Variants in ONECUT2 observed in about 807,000 individuals in gnomAD.
ONECUT2 encodes the protein one cut homeobox 2, also known as one cut domain family member 2.
A neutral mutation model predicts 27.9 loss-of-function variants in ONECUT2; 10 were observed. The observed-to-expected ratio is 0.36, with a 90% CI of 0.22 to 0.61. ONECUT2 has a LOEUF of 0.61. ONECUT2 is among the 20% of genes least tolerant of loss of function. The pLI is 0.73. For missense variants in ONECUT2, 686 were observed against 721.0 expected (o/e 0.95, Z 0.56); for synonymous variants, 334 against 315.1 (o/e 1.06, Z -0.64).
At chr18:57,453,985 T>C (rs1424640306) in intron 1 of ONECUT2, among the ~76,000 whole-genome samples, 1 of 152,176 alleles carries the variant, frequency 6.6e-6, no homozygotes, top group African/African-American at 2.4e-5. Context: ...GGCGAGGGAA[T>C]CTATGGTGTT....
chr18:57,464,464 GT>G (rs2122135415), intron 1 of ONECUT2, among the ~76,000 whole-genome samples: 1 of 150,378 alleles, frequency 6.6e-6, no homozygotes, highest in African/African-American at 2.4e-5. Flanking sequence ...TTGTTTTTTT[GT>G]TTTTGTTTTT....
intron 1 of ONECUT2, among the ~76,000 whole-genome samples, chr18:57,456,760 A>G (rs373439801): frequency 6.6e-6 from 1 of 152,240 alleles, no homozygotes; most frequent in African/African-American, 2.4e-5. Flanking sequence ...TTTCAAAGAA[A>G]GATTGTTTGT....
chr18:57,436,686 G>T lies in ONECUT2; in HGVS notation c.970G>T (p.Val324Leu). 1 of 1,613,376 alleles carries T rather than the reference G, an allele frequency of 6.2e-7. No individual in the cohort carries two copies. ...RPPSSSSGSQ[V>L]ATSGQLEEIN... is the part of the protein sequence containing the mutation. ...ACCCTCGTCCTCATCGGGCTCGCAG[G>T]TGGCCACGTCGGGCCAGCTGGAAGA... Residue 324 changes from valine (V) to leucine (L), a missense_variant, in exon 1 of 2, where the codon GTG becomes TTG. Coordinates refer to ENST00000491143, the MANE Select transcript of ONECUT2 (RefSeq NM_004852.3). The surrounding 1 kb of genome is among the most constrained non-coding windows in gnomAD (Gnocchi z 5.9).
rs1175352723 is a variant in ONECUT2 at position 57,480,868 on chromosome 18, ATT to A, written c.*4147_*4148del. 5 of 152,324 alleles carry A rather than the reference ATT, an allele frequency of 3.3e-5. No individual in the cohort carries two copies. Among genetic ancestry groups the A allele is most frequent in the African/African-American group, 1.2e-4 (5 of 41,584 alleles). 9.4% of individuals were successfully genotyped at this position (152,324 alleles called of 1,614,324 possible). On this transcript the variant is annotated 3_prime_UTR_variant, in exon 2 of 2. Transcript: ENST00000491143. ...GTTAATAATTTCAGAGAAAATAACCATTTGGGTGTGGTTATAGTTTAGTATCC... is the reference window on the plus strand; with the variant it reads ...GTTAATAATTTCAGAGAAAATAACCATGGGTGTGGTTATAGTTTAGTATCC...
rs879839677 is a variant in ONECUT2, at chr18:57,488,300, T to G, written c.*11577T>G. 4 of 152,646 alleles carry G rather than the reference T, an allele frequency of 2.6e-5. No homozygotes were observed. Among genetic ancestry groups the G allele is most frequent in the Non-Finnish European group, 4.4e-5 (3 of 68,046 alleles). 9.5% of individuals were successfully genotyped at this position (152,646 alleles called of 1,614,324 possible). On this transcript the variant is annotated 3_prime_UTR_variant, in exon 2 of 2. Transcript: ENST00000491143. ...GTTTAATCTTCCAGAAAGCTTTATA[T>G]GTTGTTCCACAATAAAATTGATATT...
Position 57,483,608 on chromosome 18 carries a change from A to G in ONECUT2, c.*6885A>G, listed in dbSNP as rs190875791. ...AAAACCTAGACCAATGGTGCATCAG[A>G]GATGCAAAATTCTACTTGGAATACT... is the stretch of plus-strand genomic sequence containing the variant. On this transcript the variant is annotated 3_prime_UTR_variant, in exon 2 of 2. Transcript: ENST00000491143. 1.2e-4 allele frequency: 19 copies of G among 152,702 alleles called. No individual in the cohort carries two copies. The allele number at this position is 152,702 out of a possible 1,614,324, so 9.5% of individuals were successfully genotyped here.
Position 57,476,620 on chromosome 18 carries a change from G to GCT in ONECUT2, c.1413_1414insTC (p.Asn472SerfsTer5). 6.2e-7 allele frequency: 1 copy of GCT among 1,614,200 alleles called. No individual in the cohort carries two copies. Among genetic ancestry groups the GCT allele is most frequent in the Non-Finnish European group, 8.5e-7 (1 of 1,180,048 alleles). On this transcript the variant is annotated frameshift_variant, in exon 2 of 2. Transcript: ENST00000491143. LOFTEE classifies it high-confidence loss of function. Reference sequence around the variant, plus strand: ...CTGGGCCTGGAGCTCACAACCGTCAGCAACTTCTTCATGAACGCCCGGCGC... The same window carrying GCT: ...CTGGGCCTGGAGCTCACAACCGTCAGCTCAACTTCTTCATGAACGCCCGGCGC...
At chr18:57,465,266 G>A (rs921423274) in intron 1 of ONECUT2, among the ~76,000 whole-genome samples, 3 of 152,144 alleles carry the variant, frequency 2.0e-5, no homozygotes, top group Non-Finnish European at 4.4e-5. Flanking sequence ...GGGCTCAATT[G>A]TTCTCCCTGC....
At position 57,476,978 on chromosome 18, in the gene ONECUT2, A is replaced by T. The variant is rs1327844176; in HGVS notation, c.*255A>T. On this transcript the variant is annotated 3_prime_UTR_variant, in exon 2 of 2. Coordinates refer to ENST00000491143, the MANE Select transcript of ONECUT2 (RefSeq NM_004852.3). Reference sequence around the variant, plus strand: ...TAGAACCAGACACTGTTCTCTGAGCATGCTAAGCATCCCAGAAACCCAAAT... The same window carrying T: ...TAGAACCAGACACTGTTCTCTGAGCTTGCTAAGCATCCCAGAAACCCAAAT... 1 of 484,480 alleles carries T rather than the reference A, an allele frequency of 2.1e-6. No individual in the cohort carries two copies. The highest frequency in any genetic ancestry group is 3.7e-5 in the East Asian group (1 of 26,790). The allele number at this position is 484,480 out of a possible 1,614,324, so 30.0% of individuals were successfully genotyped here. A position where few individuals can be genotyped will look rare whatever the true frequency, so the allele number is the denominator to read the frequency against.
At chr18:57,463,015 A>T (rs1242806326) in intron 1 of ONECUT2, among the ~76,000 whole-genome samples, 1 of 152,042 alleles carries the variant, frequency 6.6e-6, no homozygotes, top group African/African-American at 2.4e-5. Flanking sequence ...TACAGGCATA[A>T]GCCACTGTGC....
rs1360376777 is a variant in ONECUT2 at position 57,480,821 on chromosome 18, A to C, written c.*4098A>C. The C allele has an allele frequency of 1.3e-5, 2 of 152,218 alleles. No homozygotes were observed. Among genetic ancestry groups the C allele is most frequent in the African/African-American group, 4.8e-5 (2 of 41,458 alleles). The allele number at this position is 152,218 out of a possible 1,614,324, so 9.4% of individuals were successfully genotyped here. On this transcript the variant is annotated 3_prime_UTR_variant, in exon 2 of 2. Transcript: ENST00000491143. ...TAATAGAATTTAACCCAGTGAGTTTACTCAAGGATTTTTAAATTTAAGTTA... is the reference window on the plus strand; with the variant it reads ...TAATAGAATTTAACCCAGTGAGTTTCCTCAAGGATTTTTAAATTTAAGTTA...
chr18:57,474,948 G>A (rs2050373682), intron 1 of ONECUT2, among the ~76,000 whole-genome samples: 1 of 152,156 alleles, frequency 6.6e-6, no homozygotes, highest in Admixed American at 6.5e-5. Context: ...GATTCTGAGG[G>A]CGACTGCCCC....
chr18:57,456,159 C>T (rs2050258176), intron 1 of ONECUT2, among the ~76,000 whole-genome samples: 1 of 152,192 alleles, frequency 6.6e-6, no homozygotes, highest in Non-Finnish European at 1.5e-5. Flanking sequence ...GGTGTAGCCA[C>T]TGTGGAAATA....
At chr18:57,455,119 C>T (rs2050251969) in intron 1 of ONECUT2, among the ~76,000 whole-genome samples, 1 of 152,162 alleles carries the variant, frequency 6.6e-6, no homozygotes, top group African/African-American at 2.4e-5. Flanking sequence ...CCTCTTTAAC[C>T]TCTTTTCTGT....
intron 1 of ONECUT2, among the ~76,000 whole-genome samples, chr18:57,440,004 C>A (rs1299756896): frequency 6.6e-6 from 1 of 152,220 alleles, no homozygotes; most frequent in East Asian, 1.9e-4. Context: ...CCCAGCCTGC[C>A]GGTGTAGTCA....
chr18:57,469,576 G>T (rs752736061), intron 1 of ONECUT2, among the ~76,000 whole-genome samples: 1 of 152,170 alleles, frequency 6.6e-6, no homozygotes, highest in South Asian at 2.1e-4. Context: ...GTAAAAACAC[G>T]TCGTAGTCTT....
At chr18:57,445,697 G>C (rs1002657791) in intron 1 of ONECUT2, among the ~76,000 whole-genome samples, 2 of 152,234 alleles carry the variant, frequency 1.3e-5, no homozygotes, top group African/African-American at 4.8e-5. Context: ...GAGCTCTCCA[G>C]GCTGTGTTGA....
chr18:57,441,654 C>G (rs1250042457), intron 1 of ONECUT2, among the ~76,000 whole-genome samples: 1 of 152,282 alleles, frequency 6.6e-6, no homozygotes, highest in African/African-American at 2.4e-5. Flanking sequence ...TTGGCCGTTG[C>G]CACTGGGCCC....
Position 57,476,883 on chromosome 18 carries a change from A to G in ONECUT2, c.*160A>G, listed in dbSNP as rs899960704. 8.7e-6 allele frequency: 7 copies of G among 804,168 alleles called. No individual in the cohort carries two copies. The East Asian group carries it at 1.3e-4, about 15-fold the overall frequency. The allele number at this position is 804,168 out of a possible 1,614,324, so 49.8% of individuals were successfully genotyped here. A position where few individuals can be genotyped will look rare whatever the true frequency, so the allele number is the denominator to read the frequency against. ...AGAAACTTATATTCTAGCTGTAATCATAGGCCAGGTGTTCTTCTTTTGTTT... is the reference window on the plus strand; with the variant it reads ...AGAAACTTATATTCTAGCTGTAATCGTAGGCCAGGTGTTCTTCTTTTGTTT... On this transcript the variant is annotated 3_prime_UTR_variant, in exon 2 of 2. Coordinates refer to ENST00000491143, the MANE Select transcript of ONECUT2 (RefSeq NM_004852.3).
Sources: allele counts gnomAD v4.1 joint callset (sites outside exome capture counted in the v4.1 genomes callset), GRCh38; gene constraint gnomAD v4.1.1; non-coding constraint Gnocchi (gnomAD v3.1); transcripts MANE v1.5; gene names NCBI Gene and HGNC (gene_info 2026-07-23, HGNC 2026-07-21).